Variants in CHCHD6 observed in about 807,000 individuals in gnomAD.
CHCHD6 encodes MICOS complex subunit MIC25.
CHCHD6 carries 28 observed loss-of-function variants against 32.3 expected under a neutral mutation model. That is an observed-to-expected ratio of 0.87 (90% confidence interval 0.64 to 1.19). The LOEUF (loss-of-function observed/expected upper bound fraction) is 1.19, where lower values mean the gene tolerates loss of function less well. Ranked by LOEUF, CHCHD6 falls within the 50% of genes most tolerant of loss-of-function variation. The pLI is 0.00. For missense variants in CHCHD6, 333 were observed against 307.0 expected, an observed-to-expected ratio of 1.08 and a Z score of -0.63; for synonymous variants, 122 against 117.5, an observed-to-expected ratio of 1.04 and a Z score of -0.25.
chr3:126,862,097 T>C (rs1389763125), intron 5 of CHCHD6, among the ~76,000 whole-genome samples: 5 of 32,014 alleles, frequency 1.6e-4, no homozygotes, highest in Non-Finnish European at 2.1e-4. Context: ...TCCTCCACCA[T>C]CACCACCTTC....
At chr3:126,846,399 A>G (rs1429054009) in intron 4 of CHCHD6, among the ~76,000 whole-genome samples, 5 of 152,258 alleles carry the variant, frequency 3.3e-5, no homozygotes, top group Admixed American at 3.3e-4. Context: ...TGAGGTGGCC[A>G]TAGGAGGCTT....
At chr3:126,851,101 G>T (rs774085245) in intron 4 of CHCHD6, among the ~76,000 whole-genome samples, 1 of 152,186 alleles carries the variant, frequency 6.6e-6, no homozygotes, top group South Asian at 2.1e-4. Flanking sequence ...TGATAGAGCC[G>T]ATGTTAGAAC....
chr3:126,919,287 A>AT (rs995643933), intron 6 of CHCHD6, among the ~76,000 whole-genome samples: 3 of 136,418 alleles, frequency 2.2e-5, no homozygotes, highest in African/African-American at 5.5e-5. Context: ...TTTCCTTCTA[A>AT]TTTTTTTTCT....
chr3:126,865,587 T>C, intron 5 of CHCHD6: 1 of 985,310 alleles, frequency 1.0e-6, no homozygotes, highest in Non-Finnish European at 1.2e-6. Context: ...CCTCTTCCTC[T>C]ACCACCTCCA....
chr3:126,792,283 T>C (rs1165227761), intron 4 of CHCHD6, among the ~76,000 whole-genome samples: 1 of 147,126 alleles, frequency 6.8e-6, no homozygotes, highest in South Asian at 2.1e-4. Context: ...TTAGAATATA[T>C]ATTCTAGAAT....
intron 4 of CHCHD6, among the ~76,000 whole-genome samples, chr3:126,750,940 A>G (rs1936696645): frequency 6.6e-6 from 1 of 152,180 alleles, no homozygotes; most frequent in African/African-American, 2.4e-5. Flanking sequence ...ACAGCTGAGC[A>G]AGGGCAGTTG....
intron 7 of CHCHD6, among the ~76,000 whole-genome samples, 155 bp from the exon 8 acceptor site, chr3:126,960,041 G>A (rs936842927): frequency 6.6e-6 from 1 of 152,172 alleles, no homozygotes; most frequent in Non-Finnish European, 1.5e-5. Flanking sequence ...GGGGTACAGA[G>A]GTGAAGAGAC....
chr3:126,841,731 C>A (rs759793653), intron 4 of CHCHD6, among the ~76,000 whole-genome samples: 8 of 150,550 alleles, frequency 5.3e-5, no homozygotes, highest in Middle Eastern at 7.4e-3. Context: ...ATAGGGAGAC[C>A]CCGTCTTTCC....
At chr3:126,958,980 T>C (rs2078825062) in intron 7 of CHCHD6, among the ~76,000 whole-genome samples, 1 of 152,246 alleles carries the variant, frequency 6.6e-6, no homozygotes, top group Non-Finnish European at 1.5e-5. Flanking sequence ...AGGGATCTGC[T>C]GCAGCCTCTT....
chr3:126,858,038 T>C (rs1941721038), intron 5 of CHCHD6, among the ~76,000 whole-genome samples: 2 of 151,808 alleles, frequency 1.3e-5, no homozygotes, highest in Non-Finnish European at 1.5e-5. Context: ...GCCCTGAAAA[T>C]GAGGAGAGAG....
intron 4 of CHCHD6, among the ~76,000 whole-genome samples, chr3:126,821,520 T>G (rs1052526757): frequency 6.6e-6 from 1 of 151,668 alleles, no homozygotes; most frequent in African/African-American, 2.4e-5. Context: ...GGTCTCAAAC[T>G]CCTGACCTTG....
intron 5 of CHCHD6, among the ~76,000 whole-genome samples, chr3:126,858,315 A>C (rs867656374): frequency 1.4e-4 from 1 of 7,096 alleles, no homozygotes; most frequent in Non-Finnish European, 3.0e-4. Flanking sequence ...GGCGGGGGGG[A>C]GGGGTGGGTA....
intron 5 of CHCHD6, among the ~76,000 whole-genome samples, chr3:126,901,198 T>C (rs2077922282): frequency 6.6e-6 from 1 of 152,214 alleles, no homozygotes; most frequent in Non-Finnish European, 1.5e-5. Flanking sequence ...ACTTACTGAC[T>C]GAGAAATGTG....
At chr3:126,714,558 C>T (rs115538665) in intron 1 of CHCHD6, among the ~76,000 whole-genome samples, 1,698 of 152,210 alleles carry the variant, frequency 0.011, 28 homozygotes, top group African/African-American at 0.039. Context: ...ACTGGGGTGT[C>T]GGGCATCGGG....
At chr3:126,761,581 A>G (rs766013847) in intron 4 of CHCHD6, among the ~76,000 whole-genome samples, 8 of 152,018 alleles carry the variant, frequency 5.3e-5, no homozygotes, top group Non-Finnish European at 7.4e-5. Context: ...ATGCACCACC[A>G]TGCCTGGCTA....
chr3:126,884,438 G>T (rs1258346173), intron 5 of CHCHD6, among the ~76,000 whole-genome samples: 1 of 151,998 alleles, frequency 6.6e-6, no homozygotes, highest in Admixed American at 6.6e-5. Context: ...AGCTACATTA[G>T]CCCCACAAAT....
intron 4 of CHCHD6, among the ~76,000 whole-genome samples, chr3:126,785,245 C>T (rs1457174390): frequency 6.6e-6 from 1 of 152,146 alleles, no homozygotes; most frequent in Non-Finnish European, 1.5e-5. Flanking sequence ...ATGCCAATAA[C>T]ACTTTTCTAG....
At chr3:126,785,929 A>T (rs1374809660) in intron 4 of CHCHD6, among the ~76,000 whole-genome samples, 2 of 152,082 alleles carry the variant, frequency 1.3e-5, no homozygotes, top group African/African-American at 4.8e-5. Flanking sequence ...CTGCACCCAT[A>T]AACTTGTCAT....
At chr3:126,815,441 G>A (rs1939844265) in intron 4 of CHCHD6, among the ~76,000 whole-genome samples, 1 of 152,178 alleles carries the variant, frequency 6.6e-6, no homozygotes, top group Non-Finnish European at 1.5e-5. Flanking sequence ...CTCCTAGTGT[G>A]CCCTTGTGGA....
Sources: gnomAD v4.1 joint callset for allele counts (sites outside exome capture counted in the v4.1 genomes callset) on GRCh38, gnomAD v4.1.1 for gene constraint, MANE v1.5 for transcripts, NCBI Gene and HGNC (gene_info 2026-07-23, HGNC 2026-07-21) for gene names.